The following RPSA2 variants were observed in gnomAD, a reference collection of about 807,000 sequenced individuals.
RPSA2 encodes the protein small ribosomal subunit protein uS2B.
the RPSA2 span, among the ~76,000 whole-genome samples, chr19:23,778,908 G>A: frequency 2.0e-5 from 3 of 149,764 alleles, no homozygotes; most frequent in East Asian, 5.9e-4. Context: ...ACCCACAGAG[G>A]TCATTGCAAC....
chr19:23,794,928 A>G, the RPSA2 span, among the ~76,000 whole-genome samples: 1 of 152,168 alleles, frequency 6.6e-6, no homozygotes, highest in Non-Finnish European at 1.5e-5. Flanking sequence ...CCATTTATTA[A>G]ATAGGGAATT....
the RPSA2 span, among the ~76,000 whole-genome samples, chr19:23,864,041 A>G: frequency 2.6e-5 from 4 of 152,166 alleles, no homozygotes; most frequent in Non-Finnish European, 4.4e-5. Context: ...TGTTTTCAGC[A>G]CTTATTGTCA....
the RPSA2 span, chr19:23,790,905 G>C: frequency 2.1e-6 from 1 of 470,688 alleles, no homozygotes; most frequent in Non-Finnish European, 3.8e-6. Context: ...CCTTGCCCAG[G>C]TTGGCATCCG....
At chr19:23,842,250 G>A in the RPSA2 span, among the ~76,000 whole-genome samples, 1 of 152,148 alleles carries the variant, frequency 6.6e-6, no homozygotes, top group Non-Finnish European at 1.5e-5. Flanking sequence ...AGCTTACTCT[G>A]TATAATCTAA....
At chr19:23,854,574 C>CGTCT in the RPSA2 span, among the ~76,000 whole-genome samples, 1 of 152,126 alleles carries the variant, frequency 6.6e-6, no homozygotes, top group South Asian at 2.1e-4. Context: ...AAGGGATTTC[C>CGTCT]ATCTATATCA....
the RPSA2 span, among the ~76,000 whole-genome samples, chr19:23,855,585 G>C: frequency 6.6e-6 from 1 of 152,198 alleles, no homozygotes; most frequent in Non-Finnish European, 1.5e-5. Flanking sequence ...ACATGAGACA[G>C]AGTCAGCATA....
chr19:23,828,936 G>GACACACACACACACAC, the RPSA2 span, among the ~76,000 whole-genome samples: 2 of 148,278 alleles, frequency 1.3e-5, no homozygotes, highest in African/African-American at 5.0e-5. Flanking sequence ...CCTAATGTGA[G>GACACACACACACACAC]ACACACACAC....
chr19:23,789,086 C>T, the RPSA2 span, among the ~76,000 whole-genome samples: 6 of 139,016 alleles, frequency 4.3e-5, no homozygotes, highest in East Asian at 4.4e-4. Flanking sequence ...CTGCAACCTC[C>T]GCCTCTTGGG....
At chr19:23,800,361 G>T in the RPSA2 span, among the ~76,000 whole-genome samples, 20 of 151,780 alleles carry the variant, frequency 1.3e-4, no homozygotes, top group Admixed American at 6.6e-5. Flanking sequence ...TATTATTGTG[G>T]TTTCTCTGGG....
chr19:23,802,514 A>T, the RPSA2 span, among the ~76,000 whole-genome samples: 38 of 152,334 alleles, frequency 2.5e-4, no homozygotes, highest in Middle Eastern at 6.8e-3. Context: ...TCTCCAGAAC[A>T]ATTGTGTCAG....
At chr19:23,847,254 A>T in the RPSA2 span, among the ~76,000 whole-genome samples, 1 of 146,666 alleles carries the variant, frequency 6.8e-6, no homozygotes, top group Non-Finnish European at 1.5e-5. Flanking sequence ...CACATTTCTT[A>T]CTCATACTCT....
At chr19:23,830,522 TG>T in the RPSA2 span, among the ~76,000 whole-genome samples, 1 of 152,242 alleles carries the variant, frequency 6.6e-6, no homozygotes, top group Admixed American at 6.5e-5. Flanking sequence ...TATACATGTT[TG>T]TTATAAATAT....
chr19:23,853,857 C>T, the RPSA2 span, among the ~76,000 whole-genome samples: 3 of 152,320 alleles, frequency 2.0e-5, no homozygotes, highest in African/African-American at 7.2e-5. Flanking sequence ...GCTTTTCCAA[C>T]ACCTACTAGT....
the RPSA2 span, chr19:23,827,073 C>T: frequency 1.4e-6 from 1 of 729,404 alleles, no homozygotes; most frequent in Non-Finnish European, 2.4e-6. Context: ...CTTACAGTAA[C>T]AATGCTGCAG....
At chr19:23,850,852 T>C in the RPSA2 span, among the ~76,000 whole-genome samples, 1 of 151,570 alleles carries the variant, frequency 6.6e-6, no homozygotes, top group Admixed American at 6.6e-5. Context: ...GAATGGGGAG[T>C]GGTTAAATTA....
chr19:23,863,717 C>G, the RPSA2 span, among the ~76,000 whole-genome samples: 1 of 152,126 alleles, frequency 6.6e-6, no homozygotes, highest in Non-Finnish European at 1.5e-5. Flanking sequence ...TTCCTAGAGA[C>G]AAGCTGGACA....
chr19:23,825,253 T>C, the RPSA2 span, among the ~76,000 whole-genome samples: 2 of 152,162 alleles, frequency 1.3e-5, no homozygotes, highest in East Asian at 3.9e-4. Flanking sequence ...ATCTAATAAG[T>C]TTTACATTCC....
the RPSA2 span, among the ~76,000 whole-genome samples, chr19:23,821,758 G>C: frequency 3.9e-5 from 6 of 152,140 alleles, no homozygotes; most frequent in Non-Finnish European, 7.3e-5. Flanking sequence ...CTTAGCCTCA[G>C]CCATCTCTTG....
At chr19:23,833,933 C>A in the RPSA2 span, among the ~76,000 whole-genome samples, 148,852 of 152,178 alleles carry the variant, frequency 0.98, 72,891 homozygotes, top group Middle Eastern at 1. Context: ...TTGAAGAAAA[C>A]CCTGCAAATA....
Sources: gnomAD v4.1 joint callset for allele counts (sites outside exome capture counted in the v4.1 genomes callset) on GRCh38, gnomAD v4.1.1 for gene constraint, MANE v1.5 for transcripts, NCBI Gene and HGNC (gene_info 2026-07-23, HGNC 2026-07-21) for gene names.